The following SLC12A6 variants were observed in gnomAD, a reference collection of about 807,000 sequenced individuals.
SLC12A6 encodes the protein K-Cl cotransporter 3.
In SLC12A6, 66 loss-of-function variants were observed where a neutral mutation model predicts 135.3. The ratio of observed to expected loss-of-function variants is 0.49; its 90% confidence interval spans 0.40 to 0.60. SLC12A6 has a LOEUF of 0.60. Ranked by LOEUF, SLC12A6 falls within the 20% of genes least tolerant of loss-of-function variation. SLC12A6 has a pLI of 0.00. For missense variants in SLC12A6, 1,058 were observed against 1,452.3 expected, an observed-to-expected ratio of 0.73 and a Z score of 4.41; for synonymous variants, 513 against 508.8, an observed-to-expected ratio of 1.01 and a Z score of -0.11.
In SLC12A6 at chr15:34,254,472, C is replaced by T; in HGVS notation, c.994G>A (p.Val332Met). 3 of 1,614,004 alleles carry T rather than the reference C, an allele frequency of 1.9e-6. No individual in the cohort carries two copies. Among genetic ancestry groups the T allele is most frequent in the Non-Finnish European group, 2.5e-6 (3 of 1,179,888 alleles). The change falls in exon 9 of 26, where the codon GTG becomes ATG. Residue 332 changes from valine (V) to methionine (M), a missense_variant. Val to Met is a conservative substitution (Grantham distance 21). Coordinates refer to ENST00000354181, the MANE Select transcript of SLC12A6 (RefSeq NM_001365088.1). ...ACATAGCGTACGCCGATAAATACCA[C>T]TAATACCATAAGGACCAAGAAAGCT... ...GTAFLVLMVLVVFIGVRYVNK... is the reference protein window; with the variant it reads ...GTAFLVLMVLMVFIGVRYVNK...
intron 2 of SLC12A6, among the ~76,000 whole-genome samples, chr15:34,306,885 A>C (rs761546103): frequency 1.3e-5 from 2 of 152,234 alleles, no homozygotes; most frequent in Non-Finnish European, 2.9e-5. Flanking sequence ...CTCTGAAAAT[A>C]ATTGTTATAT....
rs755607242 is a variant in SLC12A6 at position 34,237,569 on chromosome 15, CAT to C, written c.2803-21_2803-20del. On this transcript the variant is annotated intron_variant, in intron 21 of 25. Coordinates refer to ENST00000354181, the MANE Select transcript of SLC12A6 (RefSeq NM_001365088.1). The stretch of plus-strand genomic sequence containing the variant: ...GCCACACCTGAGAGAGTGACATACA[CAT>C]GTGAAAAATTAGAGCAAGGAGGCAA... 3.4e-5 allele frequency: 55 copies of C among 1,608,102 alleles called. No individual in the cohort carries two copies. Among genetic ancestry groups the C allele is most frequent in the East Asian group, 4.5e-5 (2 of 44,718 alleles).
Position 34,288,000 on chromosome 15 carries a change from A to G in SLC12A6, c.272-12611T>C, listed in dbSNP as rs534339976. Among the ~76,000 whole-genome samples, 5 of 152,274 alleles carry G rather than the reference A, an allele frequency of 3.3e-5. No homozygotes were observed. In the East Asian group the frequency reaches 9.6e-4, roughly 29 times the overall value. ...TAGTTTAATTAGATCCCATTTGTCAATGTTGGCTTTTGTTGCCATTGCTTT... is the reference window on the plus strand; with the variant it reads ...TAGTTTAATTAGATCCCATTTGTCAGTGTTGGCTTTTGTTGCCATTGCTTT... On this transcript the variant is annotated intron_variant, in intron 2 of 25. Transcript: ENST00000354181.
intron 2 of SLC12A6, among the ~76,000 whole-genome samples, chr15:34,320,196 A>G (rs1452843833): frequency 2.6e-5 from 4 of 152,204 alleles, no homozygotes; most frequent in African/African-American, 7.2e-5. Context: ...TCAGTTATAT[A>G]CCACTTCTTG....
At chr15:34,325,178 C>T (rs1889383105) in intron 2 of SLC12A6, among the ~76,000 whole-genome samples, 1 of 152,150 alleles carries the variant, frequency 6.6e-6, no homozygotes, top group Non-Finnish European at 1.5e-5. Context: ...TTTAGGGCTA[C>T]TACTATAGCA....
Position 34,231,584 on chromosome 15 carries a change from CT to C in SLC12A6, c.*2296del, listed in dbSNP as rs1566794201. 2 of 141,588 alleles carry C rather than the reference CT, an allele frequency of 1.4e-5. No individual in the cohort carries two copies. Among genetic ancestry groups the C allele is most frequent in the East Asian group, 4.4e-4 (2 of 4,592 alleles). 8.8% of individuals were successfully genotyped at this position (141,588 alleles called of 1,614,324 possible). On this transcript the variant is annotated 3_prime_UTR_variant, in exon 26 of 26. Transcript: ENST00000354181. ...CAAATCAAAATTACTCAATTTCTTT[CT>C]TTCTTTCTTTTTTTTTTTTTTTGAG...
chr15:34,287,006 T>TA (rs1054048189), intron 2 of SLC12A6, among the ~76,000 whole-genome samples: 11 of 152,134 alleles, frequency 7.2e-5, no homozygotes, highest in Admixed American at 5.2e-4. Context: ...CTTTTTTTTT[T>TA]AAATACTTTA....
At chr15:34,317,075 T>C (rs1247895203) in intron 2 of SLC12A6, among the ~76,000 whole-genome samples, 1 of 152,188 alleles carries the variant, frequency 6.6e-6, no homozygotes, top group African/African-American at 2.4e-5. Context: ...CAGAACCTAA[T>C]TGAGCTGAAG....
chr15:34,246,578 T>C (rs2140699610), intron 13 of SLC12A6, among the ~76,000 whole-genome samples: 1 of 152,330 alleles, frequency 6.6e-6, no homozygotes, highest in Non-Finnish European at 1.5e-5. Context: ...CTTTCTATTA[T>C]ATAAAATATT....
At position 34,256,707 on chromosome 15, in the gene SLC12A6, G is replaced by A. The variant is rs534085169; in HGVS notation, c.691-424C>T. Among the ~76,000 whole-genome samples the A allele has an allele frequency of 6.6e-4, 101 of 152,326 alleles. 1 individual carries two copies. The highest frequency in any genetic ancestry group is 2.3e-3 in the African/African-American group (97 of 41,588). On this transcript the variant is annotated intron_variant, in intron 6 of 25. Coordinates refer to ENST00000354181, the MANE Select transcript of SLC12A6 (RefSeq NM_001365088.1). The stretch of plus-strand genomic sequence containing the variant: ...GAAGGCTTCTGAGCACACAGGAACC[G>A]CATTTTAAAAATATTACCCGGTAGC...
At chr15:34,234,038 T>A in intron 25 of SLC12A6, 66 bp from the exon 26 acceptor site, 1 of 812,894 alleles carries the variant, frequency 1.2e-6, no homozygotes, top group Non-Finnish European at 2.2e-6. Context: ...ATCATCATAA[T>A]CTGAGGTTAT....
chr15:34,268,863 C>T (rs59764520), intron 3 of SLC12A6, among the ~76,000 whole-genome samples: 3,888 of 143,542 alleles, frequency 0.027, 177 homozygotes, highest in African/African-American at 0.093. Context: ...TTCTTTCTTT[C>T]TTTTTTTTTT....
chr15:34,254,647 G>A lies in SLC12A6; in HGVS notation c.877-58C>T, dbSNP rs1165672254. 5 of 1,334,548 alleles carry A rather than the reference G, an allele frequency of 3.7e-6. No individual in the cohort carries two copies. In the Admixed American group the frequency reaches 6.8e-5, roughly 18 times the overall value. The allele number at this position is 1,334,548 out of a possible 1,614,324, so 82.7% of individuals were successfully genotyped here. A position where few individuals can be genotyped will look rare whatever the true frequency, so the allele number is the denominator to read the frequency against. On this transcript the variant is annotated intron_variant, in intron 8 of 25. Transcript: ENST00000354181. ...TATTTCAAAATAATTAAGTAAAAAG[G>A]CTGTATTCGTTTGCATTTACTTTCA...
intron 3 of SLC12A6, among the ~76,000 whole-genome samples, chr15:34,272,895 GT>G (rs571693829): frequency 9.4e-4 from 143 of 152,266 alleles, no homozygotes; most frequent in African/African-American, 3.2e-3. Context: ...TGTCATGTAT[GT>G]ATCAGGGACA....
At chr15:34,240,151 A>G (rs1364434467) in intron 19 of SLC12A6, among the ~76,000 whole-genome samples, 1 of 152,018 alleles carries the variant, frequency 6.6e-6, no homozygotes, top group Admixed American at 6.5e-5. Context: ...GGCATTTCAA[A>G]AACAATAGGA....
intron 2 of SLC12A6, among the ~76,000 whole-genome samples, chr15:34,283,547 A>G (rs436552): frequency 0.43 from 65,754 of 151,746 alleles, 16,815 homozygotes; most frequent in African/African-American, 0.73. Context: ...ACTGATTAGG[A>G]CAGAGGAACA....
At chr15:34,288,121 T>G (rs12592443) in intron 2 of SLC12A6, among the ~76,000 whole-genome samples, 35,454 of 152,162 alleles carry the variant, frequency 0.23, 4,217 homozygotes, top group South Asian at 0.35. Flanking sequence ...GTCTTATGTT[T>G]AAGTCTTTGA....
At chr15:34,244,354 A>G (rs1396666500) in intron 15 of SLC12A6, among the ~76,000 whole-genome samples, 1 of 152,152 alleles carries the variant, frequency 6.6e-6, no homozygotes, top group African/African-American at 2.4e-5. Context: ...TATGGATTCT[A>G]TTTAAAAATC....
At chr15:34,323,867 G>A (rs1889284995) in intron 2 of SLC12A6, among the ~76,000 whole-genome samples, 1 of 150,758 alleles carries the variant, frequency 6.6e-6, no homozygotes, top group Admixed American at 6.7e-5. Flanking sequence ...CTTGAGCCTG[G>A]GAGGCTGAGG....
Sources: allele counts gnomAD v4.1 joint callset (sites outside exome capture counted in the v4.1 genomes callset), GRCh38; gene constraint gnomAD v4.1.1; transcripts MANE v1.5; gene names NCBI Gene and HGNC (gene_info 2026-07-23, HGNC 2026-07-21).